Variants in GTPBP1 observed in about 807,000 individuals in gnomAD.
The protein encoded by GTPBP1 is GTP binding protein 1, also known as GTP-binding protein 1.
GTPBP1 carries 23 observed loss-of-function variants against 62.0 expected under a neutral mutation model. That is an observed-to-expected ratio of 0.37 (90% CI 0.27 to 0.53). The LOEUF (loss-of-function observed/expected upper bound fraction) is 0.53. Ranked by LOEUF, GTPBP1 falls within the 20% of genes least tolerant of loss-of-function variation. GTPBP1 has a pLI of 0.89. For missense variants in GTPBP1, 640 were observed against 917.3 expected (o/e 0.70, Z 3.90); for synonymous variants, 344 against 364.4 (o/e 0.94, Z 0.64).
At chr22:38,735,345 A>G (rs2092794240), downstream of GTPBP1, 1 of 412,174 alleles carries the variant, frequency 2.4e-6, no homozygotes, top group Admixed American at 3.0e-5. Flanking sequence ...CAGACCTCGC[A>G]CCCCGATACC....
chr22:38,742,406 A>G (rs1358004757), downstream of GTPBP1: 7 of 1,613,272 alleles, frequency 4.3e-6, no homozygotes, highest in Non-Finnish European at 5.9e-6. Flanking sequence ...GGCTCAGGCC[A>G]CCACCACCTC....
intron 11 of GTPBP1, among the ~76,000 whole-genome samples, chr22:38,729,939 C>T (rs1453092840): frequency 6.6e-6 from 1 of 152,204 alleles, no homozygotes; most frequent in Non-Finnish European, 1.5e-5. Context: ...AATGTCGAAG[C>T]TTCCCTTTCA....
In GTPBP1 at chr22:38,719,371, G is replaced by A. The variant is rs185000907; in HGVS notation, c.834+2371G>A. Reference sequence around the variant, plus strand: ...TACCCAGGCTAGAGTGCGGTGGTGCGACTGTAGTTCACTATAACCTCAAAC... The same window carrying A: ...TACCCAGGCTAGAGTGCGGTGGTGCAACTGTAGTTCACTATAACCTCAAAC... On this transcript the variant is annotated intron_variant, in intron 4 of 11. Transcript: ENST00000216044. 2.6e-3 allele frequency among the ~76,000 whole-genome samples: 400 copies of A among 152,044 alleles called. 1 individual carries two copies. The highest frequency in any genetic ancestry group is 4.3e-3 in the Non-Finnish European group (291 of 67,992).
downstream of GTPBP1, chr22:38,742,447 G>T: frequency 6.2e-7 from 1 of 1,613,616 alleles, no homozygotes; most frequent in Non-Finnish European, 8.5e-7. Flanking sequence ...CGCAGCTCCA[G>T]ACGTTCCAGC....
Position 38,705,973 on chromosome 22 carries a change from T to A in GTPBP1, c.18T>A (p.Ser6Arg). 6.9e-7 allele frequency: 1 copy of A among 1,442,560 alleles called. No homozygotes were observed. The highest frequency in any genetic ancestry group is 9.1e-7 in the Non-Finnish European group (1 of 1,094,282). The allele number at this position is 1,442,560 out of a possible 1,614,324, so 89.4% of individuals were successfully genotyped here. A position where few individuals can be genotyped will look rare whatever the true frequency, so the allele number is the denominator to read the frequency against. Residue 6 changes from serine to arginine, a missense_variant, in exon 1 of 12, where the codon AGT (serine) becomes AGA (arginine). Ser to Arg is a moderately radical substitution (Grantham distance 110). This residue lies in a region of GTPBP1 where 215 missense variants were observed against 235.1 expected (regional missense o/e 0.91). Transcript: ENST00000216044. MATER[S>R]RSAMDSPVPA... Reference sequence around the variant, plus strand: ...TATTAAAGATGGCGACGGAGCGCAGTCGCTCCGCGATGGACTCGCCGGTCC... The same window carrying A: ...TATTAAAGATGGCGACGGAGCGCAGACGCTCCGCGATGGACTCGCCGGTCC...
chr22:38,707,755 TG>T (rs1158755435), intron 1 of GTPBP1, among the ~76,000 whole-genome samples: 1 of 152,212 alleles, frequency 6.6e-6, no homozygotes, highest in African/African-American at 2.4e-5. Context: ...ATCACATAGC[TG>T]GGGAAGTCCT....
At chr22:38,708,651 T>C (rs897066437) in intron 1 of GTPBP1, among the ~76,000 whole-genome samples, 194 bp from the exon 2 acceptor site, 1 of 152,172 alleles carries the variant, frequency 6.6e-6, no homozygotes, top group Non-Finnish European at 1.5e-5. Context: ...TAGTATATTA[T>C]TTGGCTCATA....
rs749558602 is a variant in GTPBP1, at chr22:38,726,242, G to A, written c.1219-16G>A. On this transcript the variant is annotated splice_polypyrimidine_tract_variant and intron_variant, in intron 7 of 11. Transcript: ENST00000216044. This position sits in a 1 kb window ranked among gnomAD's most constrained non-coding sequence, Gnocchi z 4.1. Reference sequence around the variant, plus strand: ...CTGGGGATGCACTTATGAGGCCAGGGTCTTCTCCTTGGCAGGGTGTGGGGA... The same window carrying A: ...CTGGGGATGCACTTATGAGGCCAGGATCTTCTCCTTGGCAGGGTGTGGGGA... 6.2e-7 allele frequency: 1 copy of A among 1,613,762 alleles called. No homozygotes were observed. The highest frequency in any genetic ancestry group is 8.5e-7 in the Non-Finnish European group (1 of 1,179,826).
chr22:38,718,134 A>G (rs748871739), intron 4 of GTPBP1, among the ~76,000 whole-genome samples: 1 of 151,960 alleles, frequency 6.6e-6, no homozygotes, highest in Non-Finnish European at 1.5e-5. Flanking sequence ...TTCATTTCCC[A>G]TTTCCTTCAA....
chr22:38,713,845 A>G (rs1467424744), intron 2 of GTPBP1, among the ~76,000 whole-genome samples: 1 of 152,256 alleles, frequency 6.6e-6, no homozygotes, highest in East Asian at 1.9e-4. Context: ...TCAGACTTCT[A>G]GGAGTTATCC....
Position 38,706,152 on chromosome 22 carries a change from G to A in GTPBP1, c.192+5G>A. 1 of 1,239,740 alleles carries A rather than the reference G, an allele frequency of 8.1e-7. No homozygotes were observed. The highest frequency in any genetic ancestry group is 1.0e-6 in the Non-Finnish European group (1 of 991,234). 76.8% of individuals were successfully genotyped at this position (1,239,740 alleles called of 1,614,324 possible). A position where few individuals can be genotyped will look rare whatever the true frequency, so the allele number is the denominator to read the frequency against. On this transcript the variant is annotated splice_donor_5th_base_variant and intron_variant, in intron 1 of 11. Transcript: ENST00000216044. Reference sequence around the variant, plus strand: ...GAGCTGGACCTCACCAGCAAGGTAGGCCCGGGCGGCGGCGGCGGGCGCTGA... The same window carrying A: ...GAGCTGGACCTCACCAGCAAGGTAGACCCGGGCGGCGGCGGCGGGCGCTGA...
intron 4 of GTPBP1, among the ~76,000 whole-genome samples, chr22:38,718,440 C>T (rs1482420491): frequency 1.3e-5 from 2 of 152,140 alleles, no homozygotes; most frequent in Non-Finnish European, 2.9e-5. Flanking sequence ...TCATTATAGT[C>T]CCATGGCATT....
chr22:38,723,938 G>A (rs973185307), intron 5 of GTPBP1, among the ~76,000 whole-genome samples: 9 of 152,216 alleles, frequency 5.9e-5, no homozygotes, highest in African/African-American at 2.2e-4. Flanking sequence ...TTTGTTGGAT[G>A]AGATTTTTTT....
At chr22:38,736,558 CCAG>C (rs1182354342), downstream of GTPBP1, 1 of 498,036 alleles carries the variant, frequency 2.0e-6, no homozygotes, top group African/African-American at 1.9e-5. Flanking sequence ...AGCAGTGTTT[CCAG>C]CCAGTGGGTT....
intron 2 of GTPBP1, among the ~76,000 whole-genome samples, chr22:38,714,647 G>C (rs979174917): frequency 6.6e-6 from 1 of 152,172 alleles, no homozygotes; most frequent in Non-Finnish European, 1.5e-5. Flanking sequence ...TAGCTTTGCA[G>C]ATAAGCAGGG....
chr22:38,739,218 G>C (rs1343876514), downstream of GTPBP1: 1 of 1,148,652 alleles, frequency 8.7e-7, no homozygotes, highest in East Asian at 2.4e-5. The surrounding 1 kb of genome is among the most constrained non-coding windows in gnomAD (Gnocchi z 6.7). Context: ...TGGGTACTAG[G>C]TTGGGTGATT....
In GTPBP1 at chr22:38,706,032, CG is replaced by C. The variant is rs1226044858; in HGVS notation, c.82del (p.Ala28ArgfsTer40). 7.3e-6 allele frequency: 10 copies of C among 1,367,594 alleles called. No homozygotes were observed. The highest frequency in any genetic ancestry group is 2.9e-5 in the South Asian group (2 of 68,068). 84.7% of individuals were successfully genotyped at this position (1,367,594 alleles called of 1,614,324 possible). On this transcript the variant is annotated frameshift_variant, in exon 1 of 12. Coordinates refer to ENST00000216044, the MANE Select transcript of GTPBP1 (RefSeq NM_004286.5). LOFTEE classifies it high-confidence loss of function. The stretch of plus-strand genomic sequence containing the variant: ...ATGTTCGCCCCCGAGCCCAGCTCCC[CG>C]GGGGCGGCCAGGGCCGCGGCGGCCG... ...ASMFAPEPSS[P>X]GAARAAAAAA... is the part of the protein sequence containing the mutation.
At chr22:38,718,625 G>T (rs2092683387) in intron 4 of GTPBP1, among the ~76,000 whole-genome samples, 1 of 152,236 alleles carries the variant, frequency 6.6e-6, no homozygotes, top group Admixed American at 6.5e-5. Context: ...GGAAGTGCCA[G>T]CTGGGGTGAC....
intron 4 of GTPBP1, 25 bp downstream of exon 4, chr22:38,717,025 G>A (rs117911959): frequency 0.03 from 43,490 of 1,452,026 alleles, 838 homozygotes; most frequent in Middle Eastern, 0.068. Flanking sequence ...CCCCAAGGAG[G>A]GGAGGCGTCA....
Sources: gnomAD v4.1 joint callset for allele counts (sites outside exome capture counted in the v4.1 genomes callset) on GRCh38, gnomAD v4.1.1 for gene constraint, gnomAD v4.1.1 regional missense constraint, Gnocchi (gnomAD v3.1) non-coding constraint, MANE v1.5 for transcripts, NCBI Gene and HGNC (gene_info 2026-07-23, HGNC 2026-07-21) for gene names.